The following GABRB2 variants were observed in gnomAD, a reference collection of about 807,000 sequenced individuals.
The protein encoded by GABRB2 is gamma-aminobutyric acid type A receptor subunit beta2, also known as gamma-aminobutyric acid receptor subunit beta-2.
Under a neutral mutation model 54.7 loss-of-function variants are expected in GABRB2, and 16 were observed. The observed-to-expected ratio is 0.29, with a 90% CI of 0.20 to 0.44. GABRB2 has a LOEUF of 0.44. GABRB2 is among the 20% of genes least tolerant of loss of function. GABRB2 has a pLI of 1.00. For synonymous variants in GABRB2, 244 were observed against 233.8 expected, an observed-to-expected ratio of 1.04 and a Z score of -0.40; for missense variants, 355 against 644.0, an observed-to-expected ratio of 0.55 and a Z score of 4.86.
At chr5:161,433,250 A>G (rs191697124) in intron 4 of GABRB2, among the ~76,000 whole-genome samples, 1 of 152,136 alleles carries the variant, frequency 6.6e-6, no homozygotes, top group Admixed American at 6.6e-5. Flanking sequence ...TTACTAATTT[A>G]TACAGTAATT....
chr5:161,341,968 T>TATATATATATATATATATAC, intron 5 of GABRB2, among the ~76,000 whole-genome samples: 1 of 31,132 alleles, frequency 3.2e-5, no homozygotes, highest in East Asian at 1.0e-3. Flanking sequence ...TATATATATA[T>TATATATATATATATATATAC]ACATACTTTA....
chr5:161,435,576 G>T (rs1757284920), intron 4 of GABRB2, among the ~76,000 whole-genome samples: 2 of 151,950 alleles, frequency 1.3e-5, no homozygotes, highest in South Asian at 4.2e-4. Flanking sequence ...GTGTTATTTA[G>T]GTAACCAGAA....
At chr5:161,301,888 T>C (rs252981) in intron 9 of GABRB2, among the ~76,000 whole-genome samples, 16,555 of 152,208 alleles carry the variant, frequency 0.11, 1,022 homozygotes, top group Non-Finnish European at 0.14. Flanking sequence ...ACAAGGTTTT[T>C]TGGAGAGGCT....
chr5:161,410,864 C>T (rs1298594231), intron 5 of GABRB2, 111 bp downstream of exon 5: 14 of 726,792 alleles, frequency 1.9e-5, no homozygotes, highest in Non-Finnish European at 3.2e-5. Context: ...TTTAGTTGGG[C>T]TAGCAGAACC....
At chr5:161,427,061 C>T (rs983841313) in intron 4 of GABRB2, among the ~76,000 whole-genome samples, 5 of 152,148 alleles carry the variant, frequency 3.3e-5, no homozygotes, top group Non-Finnish European at 4.4e-5. Context: ...TCTATGTCTT[C>T]TGTTTCTCTT....
intron 5 of GABRB2, among the ~76,000 whole-genome samples, chr5:161,347,519 A>G (rs979444493): frequency 2.0e-5 from 3 of 152,078 alleles, no homozygotes; most frequent in Non-Finnish European, 4.4e-5. Context: ...TACTTGCTTT[A>G]ATCAAAAACA....
chr5:161,331,997 C>T (rs34691510), intron 7 of GABRB2, among the ~76,000 whole-genome samples: 2,345 of 151,736 alleles, frequency 0.015, 24 homozygotes, highest in Middle Eastern at 0.079. Context: ...AACCCTGTCT[C>T]TACTAAAAAT....
rs573458908 is a variant in GABRB2 at position 161,394,608 on chromosome 5, AATT to A, written c.541+16364_541+16366del. On this transcript the variant is annotated intron_variant, in intron 5 of 9. Coordinates refer to ENST00000393959, the MANE Select transcript of GABRB2 (RefSeq NM_001371727.1). ...CAACATCTTAGAATAAATGGAAAAA[AATT>A]ATTGAGAACTAAAATGTACTAAACT... Among the ~76,000 whole-genome samples, 133 of 152,196 alleles carry A rather than the reference AATT, an allele frequency of 8.7e-4. 1 individual carries two copies. Among genetic ancestry groups the A allele is most frequent in the Non-Finnish European group, 1.7e-3 (116 of 67,942 alleles).
At chr5:161,513,239 A>G (rs1027929917) in intron 3 of GABRB2, among the ~76,000 whole-genome samples, 1 of 151,912 alleles carries the variant, frequency 6.6e-6, no homozygotes, top group African/African-American at 2.4e-5. Flanking sequence ...TGTTAAAATA[A>G]TAACAGAACT....
intron 3 of GABRB2, among the ~76,000 whole-genome samples, chr5:161,462,936 A>G (rs1180914399): frequency 6.6e-6 from 1 of 152,114 alleles, no homozygotes; most frequent in Non-Finnish European, 1.5e-5. Context: ...TTACAAGGCT[A>G]TCCTTCACAT....
rs1309082162 is a variant in GABRB2, at chr5:161,293,320, T to A, written c.*761A>T. On this transcript the variant is annotated 3_prime_UTR_variant, in exon 10 of 10. Transcript: ENST00000393959. ...TGCTTGCTTTTTGTTACAACCGTCG[T>A]TTCTGATTTTCTACTCTGCTCTGTG... 6.6e-6 allele frequency: 1 copy of A among 152,316 alleles called. No homozygotes were observed. The highest frequency in any genetic ancestry group is 2.4e-5 in the African/African-American group (1 of 41,456). 9.4% of individuals were successfully genotyped at this position (152,316 alleles called of 1,614,324 possible).
At chr5:161,385,246 A>G (rs1304784203) in intron 5 of GABRB2, among the ~76,000 whole-genome samples, 1 of 152,216 alleles carries the variant, frequency 6.6e-6, no homozygotes, top group African/African-American at 2.4e-5. Context: ...CATACTCTGC[A>G]CATATTCCCC....
At chr5:161,515,312 T>C (rs976807486) in intron 3 of GABRB2, among the ~76,000 whole-genome samples, 1 of 152,282 alleles carries the variant, frequency 6.6e-6, no homozygotes, top group African/African-American at 2.4e-5. Flanking sequence ...AGGAACTGTT[T>C]TGTTTTCAGC....
chr5:161,502,180 C>T (rs1164152057), intron 3 of GABRB2, among the ~76,000 whole-genome samples: 1 of 151,354 alleles, frequency 6.6e-6, no homozygotes, highest in African/African-American at 2.4e-5. Flanking sequence ...ATGGGGAAAT[C>T]ATGATCTAAA....
intron 3 of GABRB2, among the ~76,000 whole-genome samples, chr5:161,469,672 C>CACACATACACACACACATACACAT (rs1554102760): frequency 2.1e-5 from 3 of 141,154 alleles, no homozygotes; most frequent in African/African-American, 7.9e-5. Context: ...AAACATTATT[C>CACACATACACACACACATACACAT]ACACATACAC....
intron 3 of GABRB2, among the ~76,000 whole-genome samples, chr5:161,488,305 T>TATGGTGACTGATATGGTG (rs1554103922): frequency 8.0e-5 from 12 of 150,816 alleles, no homozygotes; most frequent in African/African-American, 2.2e-4. Context: ...ACCAGTCACA[T>TATGGTGACTGATATGGTG]ACTGATATGG....
intron 3 of GABRB2, among the ~76,000 whole-genome samples, chr5:161,518,395 G>A (rs981289474): frequency 6.6e-6 from 1 of 152,068 alleles, no homozygotes; most frequent in Non-Finnish European, 1.5e-5. Context: ...ACTTACCCCT[G>A]TTGACATAAC....
chr5:161,466,311 G>A (rs1758274525), intron 3 of GABRB2, among the ~76,000 whole-genome samples: 1 of 152,058 alleles, frequency 6.6e-6, no homozygotes, highest in Admixed American at 6.6e-5. Context: ...CTTCCGCACT[G>A]TGAAGCACTA....
intron 3 of GABRB2, among the ~76,000 whole-genome samples, chr5:161,479,120 T>G (rs911827697): frequency 1.6e-4 from 25 of 152,084 alleles, no homozygotes; most frequent in African/African-American, 5.6e-4. Flanking sequence ...AGAGAATACC[T>G]GATGGACCAA....
Sources: gnomAD v4.1 joint callset for allele counts (sites outside exome capture counted in the v4.1 genomes callset) on GRCh38, gnomAD v4.1.1 for gene constraint, MANE v1.5 for transcripts, NCBI Gene and HGNC (gene_info 2026-07-23, HGNC 2026-07-21) for gene names.